Variants in ACO2 observed in about 807,000 individuals in gnomAD.
ACO2 encodes aconitase 2, also known as aconitate hydratase, mitochondrial.
In ACO2, 31 loss-of-function variants were observed where a neutral mutation model predicts 84.5. That is an observed-to-expected ratio of 0.37 (90% CI 0.28 to 0.50). ACO2 has a LOEUF of 0.50. ACO2 is among the 20% of genes least tolerant of loss of function. ACO2 has a pLI of 0.97. For missense variants in ACO2, 685 were observed against 1,029.3 expected (o/e 0.67, Z 4.58); for synonymous variants, 414 against 412.7 (o/e 1.00, Z -0.04).
At chr22:41,481,177 CTT>C (rs1209723740) in intron 1 of ACO2, among the ~76,000 whole-genome samples, 1 of 152,186 alleles carries the variant, frequency 6.6e-6, no homozygotes, top group East Asian at 1.9e-4. Flanking sequence ...GGTAAAGAAT[CTT>C]ACCTGAGGTC....
intron 4 of ACO2, 197 bp downstream of exon 4, chr22:41,512,165 A>G: frequency 2.0e-6 from 1 of 501,394 alleles, no homozygotes; most frequent in South Asian, 2.8e-5. Flanking sequence ...TCTGGGTGAG[A>G]AGTTAAAATA....
intron 2 of ACO2, among the ~76,000 whole-genome samples, chr22:41,502,012 C>T (rs887584155): frequency 6.6e-6 from 1 of 152,088 alleles, no homozygotes; most frequent in African/African-American, 2.4e-5. Flanking sequence ...TCCATCTCTG[C>T]CCCCCACCAT....
At position 41,520,269 on chromosome 22, in the gene ACO2, C is replaced by G; in HGVS notation, c.1131C>G (p.Ile377Met). The change falls in exon 9 of 18, where the codon ATC becomes ATG. Residue 377 changes from isoleucine to methionine, a missense_variant. By Grantham distance (10) the Ile-to-Met change is conservative (BLOSUM62 1). This residue lies in a region of ACO2 where 311 missense variants were observed against 441.6 expected (regional missense o/e 0.70). Transcript: ENST00000216254. ...VAEKEGWPLD[I>M]RVGLIGSCTN... Reference sequence around the variant, plus strand: ...AGAAGGAAGGATGGCCTCTGGACATCCGAGTGGGTGAGCACCTTCCACCCC... The same window carrying G: ...AGAAGGAAGGATGGCCTCTGGACATGCGAGTGGGTGAGCACCTTCCACCCC... 1 of 1,613,822 alleles carries G rather than the reference C, an allele frequency of 6.2e-7. No individual in the cohort carries two copies. Among genetic ancestry groups the G allele is most frequent in the East Asian group, 2.2e-5 (1 of 44,884 alleles).
At chr22:41,477,591 T>C (rs2038033886) in intron 1 of ACO2, among the ~76,000 whole-genome samples, 1 of 152,148 alleles carries the variant, frequency 6.6e-6, no homozygotes, top group African/African-American at 2.4e-5. Flanking sequence ...TCCTCATCCA[T>C]TAAATGGGCA....
At chr22:41,496,466 G>C (rs768668888) in intron 1 of ACO2, among the ~76,000 whole-genome samples, 1 of 152,144 alleles carries the variant, frequency 6.6e-6, no homozygotes, top group Non-Finnish European at 1.5e-5. Context: ...AATCCCTCCA[G>C]ATCCTCACAA....
chr22:41,496,579 A>G (rs1322050732), intron 1 of ACO2, among the ~76,000 whole-genome samples: 1 of 152,176 alleles, frequency 6.6e-6, no homozygotes, highest in Non-Finnish European at 1.5e-5. Flanking sequence ...CATCTACCCC[A>G]TGCACTGGGC....
At position 41,504,336 on chromosome 22, in the gene ACO2, C is replaced by T. The variant is rs180826445; in HGVS notation, c.174-3455C>T. Among the ~76,000 whole-genome samples the T allele has an allele frequency of 1.2e-3, 184 of 152,370 alleles. 1 individual carries two copies. The highest frequency in any genetic ancestry group is 4.1e-3 in the African/African-American group (170 of 41,586). ...TGTCTCCAACAGAAGGGGTCTAAGTCTGTTCTTGAGAACTGGATCTGTGTC... is the reference window on the plus strand; with the variant it reads ...TGTCTCCAACAGAAGGGGTCTAAGTTTGTTCTTGAGAACTGGATCTGTGTC... On this transcript the variant is annotated intron_variant, in intron 2 of 17. Transcript: ENST00000216254.
At chr22:41,526,199 G>T in intron 14 of ACO2, 63 bp from the exon 15 acceptor site, 1 of 1,499,956 alleles carries the variant, frequency 6.7e-7, no homozygotes, top group Non-Finnish European at 9.1e-7. Flanking sequence ...GCCTCTGGAG[G>T]GCTTGTCATC....
chr22:41,498,259 G>A (rs947002244), intron 1 of ACO2, among the ~76,000 whole-genome samples: 1 of 152,002 alleles, frequency 6.6e-6, no homozygotes, highest in Non-Finnish European at 1.5e-5. Context: ...CTGCAGGGAA[G>A]TATGATCTTG....
intron 9 of ACO2, among the ~76,000 whole-genome samples, chr22:41,522,530 G>C (rs536874797): frequency 1.2e-3 from 178 of 152,318 alleles, no homozygotes; most frequent in Middle Eastern, 6.8e-3. Flanking sequence ...GTTCGTATGA[G>C]CCCTCTGACG....
At chr22:41,507,257 G>A (rs1426245936) in intron 2 of ACO2, among the ~76,000 whole-genome samples, 1 of 152,148 alleles carries the variant, frequency 6.6e-6, no homozygotes, top group Non-Finnish European at 1.5e-5. Flanking sequence ...CCTGAGGTGT[G>A]GAGGGTTGTA....
chr22:41,513,980 C>T (rs2066457213), intron 4 of ACO2, among the ~76,000 whole-genome samples: 1 of 142,116 alleles, frequency 7.0e-6, no homozygotes, highest in African/African-American at 2.5e-5. Context: ...GTAGACCACC[C>T]CGAATTCTGT....
chr22:41,503,773 T>C (rs2066371271), intron 2 of ACO2, among the ~76,000 whole-genome samples: 1 of 152,146 alleles, frequency 6.6e-6, no homozygotes, highest in Non-Finnish European at 1.5e-5. Flanking sequence ...TGTTACCCAA[T>C]GGGTAACCAG....
chr22:41,476,885 A>G (rs1320232670), intron 1 of ACO2, among the ~76,000 whole-genome samples: 2 of 151,550 alleles, frequency 1.3e-5, no homozygotes, highest in Non-Finnish European at 2.9e-5. Flanking sequence ...ATGGTAGCTC[A>G]CGGCTGTAAT....
At chr22:41,506,475 CATCTCCT>C (rs916596949) in intron 2 of ACO2, among the ~76,000 whole-genome samples, 2 of 152,014 alleles carry the variant, frequency 1.3e-5, no homozygotes, top group Non-Finnish European at 2.9e-5. Context: ...GGATGGTCTC[CATCTCCT>C]GACCTCATGA....
intron 3 of ACO2, among the ~76,000 whole-genome samples, chr22:41,508,993 T>A (rs2066414733): frequency 6.6e-6 from 1 of 152,192 alleles, no homozygotes; most frequent in African/African-American, 2.4e-5. Context: ...TCTTCCACCC[T>A]GGCCCCCTGG....
intron 4 of ACO2, among the ~76,000 whole-genome samples, chr22:41,513,062 A>C (rs933864013): frequency 6.6e-6 from 1 of 152,100 alleles, no homozygotes; most frequent in Non-Finnish European, 1.5e-5. Flanking sequence ...GCCCTGCCCA[A>C]CCATCACTCT....
intron 2 of ACO2, among the ~76,000 whole-genome samples, chr22:41,506,877 C>T (rs1327782822): frequency 6.6e-6 from 1 of 151,920 alleles, no homozygotes; most frequent in African/African-American, 2.4e-5. Flanking sequence ...TTGTGGCAGG[C>T]AGGGCGGCCA....
chr22:41,491,572 T>C (rs1320302081), intron 1 of ACO2, among the ~76,000 whole-genome samples: 1 of 152,132 alleles, frequency 6.6e-6, no homozygotes, highest in African/African-American at 2.4e-5. Flanking sequence ...ACAAGGGCCT[T>C]TAAAACTGTC....
Sources: allele counts gnomAD v4.1 joint callset (sites outside exome capture counted in the v4.1 genomes callset), GRCh38; gene constraint gnomAD v4.1.1; regional missense constraint gnomAD v4.1.1; transcripts MANE v1.5; gene names NCBI Gene and HGNC (gene_info 2026-07-23, HGNC 2026-07-21).